The following TCF7L1 variants were observed in gnomAD, a reference collection of about 807,000 sequenced individuals.
TCF7L1 encodes transcription factor 7-like 1.
TCF7L1 carries 18 observed loss-of-function variants against 63.7 expected under a neutral mutation model. That is an observed-to-expected ratio of 0.28 (90% CI 0.20 to 0.42). TCF7L1 has a LOEUF of 0.42. Ranked by LOEUF, TCF7L1 falls within the 10% of genes least tolerant of loss-of-function variation. The probability of loss-of-function intolerance (pLI) is 1.00; values close to 1 mark genes in which losing one functional copy is unlikely to be tolerated. For missense variants in TCF7L1, 654 were observed against 779.3 expected, an observed-to-expected ratio of 0.84 and a Z score of 1.91; for synonymous variants, 355 against 340.9, an observed-to-expected ratio of 1.04 and a Z score of -0.46.
intron 3 of TCF7L1, among the ~76,000 whole-genome samples, chr2:85,215,823 T>G (rs1293204776): frequency 6.6e-6 from 1 of 151,972 alleles, no homozygotes; most frequent in African/African-American, 2.4e-5. Flanking sequence ...TGTCTTTGTT[T>G]TGGTCCCTGC....
chr2:85,262,122 G>A, intron 3 of TCF7L1: 1 of 544,492 alleles, frequency 1.8e-6, no homozygotes, highest in South Asian at 1.4e-5. Context: ...GTTTTAGAAT[G>A]AATCTCTTCC....
intron 4 of TCF7L1, among the ~76,000 whole-genome samples, chr2:85,284,586 G>A (rs1681498497): frequency 6.6e-6 from 1 of 152,064 alleles, no homozygotes; most frequent in African/African-American, 2.4e-5. Context: ...TGGGTGCTTG[G>A]GTCAACACTT....
intron 10 of TCF7L1, among the ~76,000 whole-genome samples, chr2:85,307,400 G>A (rs913022513): frequency 4.6e-5 from 7 of 152,164 alleles, no homozygotes; most frequent in Admixed American, 2.0e-4. Context: ...GTGGAGGGAG[G>A]AGGCCTTCCA....
In TCF7L1 at chr2:85,134,019, G is replaced by A; in HGVS notation, c.253G>A (p.Glu85Lys). 1 of 1,609,856 alleles carries A rather than the reference G, an allele frequency of 6.2e-7. No homozygotes were observed. The highest frequency in any genetic ancestry group is 8.5e-7 in the Non-Finnish European group (1 of 1,178,520). ...TGCCTTTGTGTCTCCTCCGCAGGCG[G>A]AGAGGCGCCCGCAGCCCGTCCGGGA... ...NQSSSSDSEA[E>K]RRPQPVRDTF... The change falls in exon 2 of 12, where the codon GAG becomes AAG. Residue 85 changes from glutamate to lysine, a missense_variant. Glu to Lys is a moderately conservative substitution (Grantham distance 56). Around this residue, in one of 3 missense-constraint regions of TCF7L1, gnomAD observed 404 missense variants for 454.8 expected, o/e 0.89. Coordinates refer to ENST00000282111, the MANE Select transcript of TCF7L1 (RefSeq NM_031283.3). The surrounding 1 kb of genome is among the most constrained non-coding windows in gnomAD (Gnocchi z 5.0).
intron 3 of TCF7L1, among the ~76,000 whole-genome samples, chr2:85,218,643 G>C (rs1007824359): frequency 2.6e-5 from 4 of 151,128 alleles, no homozygotes; most frequent in African/African-American, 9.7e-5. Context: ...TTCCAATGGG[G>C]GGGGGAAAAC....
chr2:85,271,745 G>A (rs1681157053), intron 3 of TCF7L1, among the ~76,000 whole-genome samples: 1 of 152,150 alleles, frequency 6.6e-6, no homozygotes, highest in African/African-American at 2.4e-5. Flanking sequence ...AAACTTTGAT[G>A]GAGGGCTCTG....
chr2:85,248,352 G>A (rs770688877), intron 3 of TCF7L1, among the ~76,000 whole-genome samples: 4 of 152,298 alleles, frequency 2.6e-5, no homozygotes, highest in Non-Finnish European at 4.4e-5. Context: ...TAGGGCTGTC[G>A]TGGGGCCTGG....
In TCF7L1 at chr2:85,146,132, A is replaced by G. The variant is rs551506781; in HGVS notation, c.441+11682A>G. Among the ~76,000 whole-genome samples the G allele has an allele frequency of 5.3e-5, 8 of 152,370 alleles. No homozygotes were observed. The South Asian group carries it at 1.4e-3, about 28-fold the overall frequency. On this transcript the variant is annotated intron_variant, in intron 3 of 11. Coordinates refer to ENST00000282111, the MANE Select transcript of TCF7L1 (RefSeq NM_031283.3). The stretch of plus-strand genomic sequence containing the variant: ...AACATCAATATTAAAAAATAGCCCC[A>G]TAAGCACCTTTAGTGTTCCAGGGCA...
intron 3 of TCF7L1, among the ~76,000 whole-genome samples, chr2:85,278,564 C>G (rs1005547239): frequency 2.0e-5 from 3 of 152,040 alleles, no homozygotes; most frequent in Non-Finnish European, 4.4e-5. Flanking sequence ...TAAGAGAAAC[C>G]ACATGACCAT....
chr2:85,162,299 A>C (rs1316736866), intron 3 of TCF7L1, among the ~76,000 whole-genome samples: 1 of 152,156 alleles, frequency 6.6e-6, no homozygotes, highest in Non-Finnish European at 1.5e-5. Flanking sequence ...CTGTGCCCAG[A>C]ATCTCTGGAC....
chr2:85,256,292 C>T (rs1366734678), intron 3 of TCF7L1, among the ~76,000 whole-genome samples: 3 of 152,164 alleles, frequency 2.0e-5, no homozygotes, highest in East Asian at 1.9e-4. Flanking sequence ...AGCTTAGAAG[C>T]GTCCGAGTCA....
intron 3 of TCF7L1, among the ~76,000 whole-genome samples, chr2:85,280,956 C>T (rs1278619261): frequency 6.6e-6 from 1 of 151,600 alleles, no homozygotes; most frequent in African/African-American, 2.4e-5. Context: ...GACCTAGGCT[C>T]CAGCTCCAGC....
At chr2:85,144,601 CA>C (rs200564088) in intron 3 of TCF7L1, among the ~76,000 whole-genome samples, 78 of 149,118 alleles carry the variant, frequency 5.2e-4, no homozygotes, top group African/African-American at 1.6e-3. Context: ...GACCCTGTCT[CA>C]AAAAAAAAAT....
At chr2:85,224,469 G>T (rs2104304706) in intron 3 of TCF7L1, among the ~76,000 whole-genome samples, 1 of 152,208 alleles carries the variant, frequency 6.6e-6, no homozygotes, top group Non-Finnish European at 1.5e-5. Flanking sequence ...TGACTTTAAT[G>T]ATCGCCATTC....
At chr2:85,197,391 ACT>A (rs1679183024) in intron 3 of TCF7L1, among the ~76,000 whole-genome samples, 1 of 152,130 alleles carries the variant, frequency 6.6e-6, no homozygotes, top group South Asian at 2.1e-4. Context: ...CAAGAGCGAA[ACT>A]CTGTCTCAAA....
At chr2:85,210,383 G>T (rs957450843) in intron 3 of TCF7L1, among the ~76,000 whole-genome samples, 1 of 152,232 alleles carries the variant, frequency 6.6e-6, no homozygotes, top group African/African-American at 2.4e-5. Flanking sequence ...GTGCCATAGG[G>T]TTGGTGCTAG....
At chr2:85,298,191 C>CAAAGAAAAAAAAAAA (rs1681876150) in intron 4 of TCF7L1, among the ~76,000 whole-genome samples, 1 of 44,740 alleles carries the variant, frequency 2.2e-5, no homozygotes, top group African/African-American at 1.4e-4. Context: ...GACTCCATCT[C>CAAAGAAAAAAAAAAA]AAAAAAAAAA....
chr2:85,299,715 G>A (rs549580790), intron 4 of TCF7L1, among the ~76,000 whole-genome samples: 6 of 151,512 alleles, frequency 4.0e-5, no homozygotes, highest in South Asian at 4.2e-4. Flanking sequence ...AAATATTAGC[G>A]AGGTGTGGCA....
chr2:85,295,235 C>G (rs1417021644), intron 4 of TCF7L1, among the ~76,000 whole-genome samples: 1 of 152,028 alleles, frequency 6.6e-6, no homozygotes, highest in African/African-American at 2.4e-5. Flanking sequence ...GAGTATTGCT[C>G]TTGTCACCCA....
Sources: gnomAD v4.1 joint callset for allele counts (sites outside exome capture counted in the v4.1 genomes callset) on GRCh38, gnomAD v4.1.1 for gene constraint, gnomAD v4.1.1 regional missense constraint, Gnocchi (gnomAD v3.1) non-coding constraint, MANE v1.5 for transcripts, NCBI Gene and HGNC (gene_info 2026-07-23, HGNC 2026-07-21) for gene names.